Variants in FSTL4 observed in about 807,000 individuals in gnomAD.
FSTL4 encodes follistatin-related protein 4.
In FSTL4, 28 loss-of-function variants were observed where a neutral mutation model predicts 78.2. The ratio of observed to expected loss-of-function variants is 0.36; its 90% CI spans 0.27 to 0.49. FSTL4 has a LOEUF of 0.49. FSTL4 is among the 20% of genes least tolerant of loss of function. The pLI, the probability that FSTL4 is intolerant of heterozygous loss-of-function variation, is 0.98. For synonymous variants in FSTL4, 422 were observed against 440.5 expected (o/e 0.96, Z 0.53); for missense variants, 922 against 1,084.9 (o/e 0.85, Z 2.11).
At chr5:133,635,029 G>T in the FSTL4 span, among the ~76,000 whole-genome samples, 1 of 151,868 alleles carries the variant, frequency 6.6e-6, no homozygotes, top group African/African-American at 2.4e-5. Flanking sequence ...GGAATAAATA[G>T]TTCCTCTACT....
At chr5:133,664,575 T>A in the FSTL4 span, among the ~76,000 whole-genome samples, 1 of 152,184 alleles carries the variant, frequency 6.6e-6, no homozygotes, top group African/African-American at 2.4e-5. Flanking sequence ...CCACTCAGCA[T>A]CCTCTCACCC....
the FSTL4 span, among the ~76,000 whole-genome samples, chr5:133,801,144 G>A: frequency 4.6e-5 from 7 of 152,078 alleles, no homozygotes; most frequent in Non-Finnish European, 8.8e-5. Flanking sequence ...TCTGTTCCTC[G>A]GGCCCCAGGC....
chr5:133,667,119 G>GAA, the FSTL4 span, among the ~76,000 whole-genome samples: 10 of 151,998 alleles, frequency 6.6e-5, no homozygotes. Context: ...AACTTTCTCC[G>GAA]TCTCGACAAA....
intron 6 of FSTL4, among the ~76,000 whole-genome samples, chr5:133,265,812 T>C (rs999629887): frequency 3.3e-5 from 5 of 152,100 alleles, no homozygotes; most frequent in African/African-American, 9.7e-5. Flanking sequence ...CATGTGGGGA[T>C]GTGAAAGCGG....
chr5:133,223,361 G>A (rs770487289), intron 11 of FSTL4, among the ~76,000 whole-genome samples: 23 of 152,226 alleles, frequency 1.5e-4, no homozygotes, highest in African/African-American at 4.1e-4. Flanking sequence ...AGGTAACACC[G>A]TGTGAAGTTC....
At chr5:133,590,091 C>T (rs1223273858) in intron 2 of FSTL4, among the ~76,000 whole-genome samples, 1 of 106,746 alleles carries the variant, frequency 9.4e-6, no homozygotes, top group Non-Finnish European at 1.9e-5. Flanking sequence ...TGGGAATCTC[C>T]TCTTTATTTA....
At chr5:133,312,807 A>T (rs1753819543) in intron 5 of FSTL4, 30 bp from the exon 6 acceptor site, 1 of 1,612,966 alleles carries the variant, frequency 6.2e-7, no homozygotes, top group Non-Finnish European at 8.5e-7. Context: ...ACAAGGCCAG[A>T]ATCAGATGAG....
At chr5:133,528,494 C>T (rs1334394573) in intron 3 of FSTL4, among the ~76,000 whole-genome samples, 2 of 152,178 alleles carry the variant, frequency 1.3e-5, no homozygotes, top group Non-Finnish European at 2.9e-5. Context: ...CGTCTGGATT[C>T]GACACCACAT....
intron 3 of FSTL4, among the ~76,000 whole-genome samples, chr5:133,477,611 C>G (rs1757950485): frequency 6.6e-6 from 1 of 152,204 alleles, no homozygotes; most frequent in Non-Finnish European, 1.5e-5. Context: ...AAACCCCGCT[C>G]TTAATGGACT....
intron 6 of FSTL4, among the ~76,000 whole-genome samples, chr5:133,310,156 A>G (rs893135178): frequency 6.6e-6 from 1 of 151,924 alleles, no homozygotes; most frequent in African/African-American, 2.4e-5. Context: ...AAGCCTTTAT[A>G]GTGGGGGTTA....
At chr5:133,646,692 G>A in the FSTL4 span, among the ~76,000 whole-genome samples, 2 of 152,088 alleles carry the variant, frequency 1.3e-5, no homozygotes, top group Non-Finnish European at 1.5e-5. Context: ...GGAATTGATG[G>A]ATATGGGATA....
intron 8 of FSTL4, among the ~76,000 whole-genome samples, chr5:133,228,515 TC>T (rs1230466255): frequency 6.6e-6 from 1 of 152,074 alleles, no homozygotes; most frequent in African/African-American, 2.4e-5. Flanking sequence ...ACACCAAAAT[TC>T]TAAGTAAAAT....
the FSTL4 span, among the ~76,000 whole-genome samples, chr5:133,637,989 T>C: frequency 6.6e-6 from 1 of 151,718 alleles, no homozygotes; most frequent in East Asian, 1.9e-4. Flanking sequence ...AATTAATTAA[T>C]GGGCTCAAAT....
the FSTL4 span, among the ~76,000 whole-genome samples, chr5:133,645,834 G>C: frequency 6.6e-6 from 1 of 152,122 alleles, no homozygotes; most frequent in African/African-American, 2.4e-5. Context: ...GCCAGAAAAG[G>C]CAAGAAAGTT....
At chr5:133,693,394 A>T in the FSTL4 span, among the ~76,000 whole-genome samples, 1 of 152,134 alleles carries the variant, frequency 6.6e-6, no homozygotes, top group South Asian at 2.1e-4. Context: ...ATTATGAAAA[A>T]TTTTTTGCAT....
At chr5:133,626,577 T>C in the FSTL4 span, among the ~76,000 whole-genome samples, 1 of 151,516 alleles carries the variant, frequency 6.6e-6, no homozygotes, top group Non-Finnish European at 1.5e-5. Context: ...ATTTTTGATA[T>C]GATGTGTTCT....
chr5:133,655,003 G>A, the FSTL4 span, among the ~76,000 whole-genome samples: 1 of 152,158 alleles, frequency 6.6e-6, no homozygotes, highest in Non-Finnish European at 1.5e-5. Flanking sequence ...CTCCTAAGCT[G>A]CAGACCAGAA....
intron 6 of FSTL4, among the ~76,000 whole-genome samples, chr5:133,291,134 A>T (rs950277432): frequency 6.6e-6 from 1 of 152,232 alleles, no homozygotes; most frequent in African/African-American, 2.4e-5. Flanking sequence ...GGGGGAAAGT[A>T]TGTTGGTGAG....
At chr5:133,681,330 G>A in the FSTL4 span, among the ~76,000 whole-genome samples, 5 of 152,296 alleles carry the variant, frequency 3.3e-5, no homozygotes, top group Non-Finnish European at 4.4e-5. Context: ...TCTGCCACAC[G>A]GGCATATGCG....
Sources: gnomAD v4.1 joint callset for allele counts (sites outside exome capture counted in the v4.1 genomes callset) on GRCh38, gnomAD v4.1.1 for gene constraint, MANE v1.5 for transcripts, NCBI Gene and HGNC (gene_info 2026-07-23, HGNC 2026-07-21) for gene names.